The following PRRX1 variants were observed in gnomAD, a reference collection of about 807,000 sequenced individuals.
PRRX1 encodes paired mesoderm homeobox protein 1.
PRRX1 carries 8 observed loss-of-function variants against 24.0 expected under a neutral mutation model. The observed-to-expected ratio is 0.33, with a 90% CI of 0.20 to 0.60. The LOEUF is 0.60. Among genes scored for constraint, PRRX1 ranks in the 20% least tolerant of loss-of-function variants. The pLI is 0.82. For missense variants in PRRX1, 281 were observed against 322.4 expected, an observed-to-expected ratio of 0.87 and a Z score of 0.98; for synonymous variants, 160 against 131.7, an observed-to-expected ratio of 1.22 and a Z score of -1.47.
At chr1:170,696,011 C>T (rs565586949) in intron 1 of PRRX1, among the ~76,000 whole-genome samples, 80 of 152,180 alleles carry the variant, frequency 5.3e-4, no homozygotes, top group Non-Finnish European at 1.0e-3. Flanking sequence ...CTTTGTTTGG[C>T]CTTTTAGTTT....
intron 1 of PRRX1, among the ~76,000 whole-genome samples, chr1:170,683,187 G>A (rs531775582): frequency 6.6e-6 from 1 of 152,318 alleles, no homozygotes; most frequent in African/African-American, 2.4e-5. Flanking sequence ...CAACCCAACT[G>A]CTTTATGGAG....
chr1:170,671,118 G>A (rs1653128620), intron 1 of PRRX1, among the ~76,000 whole-genome samples: 1 of 152,190 alleles, frequency 6.6e-6, no homozygotes, highest in South Asian at 2.1e-4. Flanking sequence ...ATGAGAAAGG[G>A]CAAGGGCAGG....
chr1:170,698,565 T>C (rs888884894), intron 1 of PRRX1, among the ~76,000 whole-genome samples: 1 of 152,146 alleles, frequency 6.6e-6, no homozygotes, highest in Non-Finnish European at 1.5e-5. Context: ...CTATTTTTTT[T>C]CCTGACCATT....
At chr1:170,684,462 T>G (rs1185336864) in intron 1 of PRRX1, among the ~76,000 whole-genome samples, 1 of 152,196 alleles carries the variant, frequency 6.6e-6, no homozygotes, top group Non-Finnish European at 1.5e-5. Context: ...CTTTTAAAGA[T>G]TTGGAATCGG....
chr1:170,687,509 G>A lies in PRRX1; in HGVS notation c.241+23050G>A, dbSNP rs186839245. On this transcript the variant is annotated intron_variant, in intron 1 of 3. Coordinates refer to ENST00000239461, the MANE Select transcript of PRRX1 (RefSeq NM_022716.4). ...GCTAAGAACATGGACTTGATATAGC[G>A]CCCTTCTCCCGTCACTTAATTGTTC... is the stretch of plus-strand genomic sequence containing the variant. 8.5e-5 allele frequency among the ~76,000 whole-genome samples: 13 copies of A among 152,238 alleles called. No homozygotes were observed. In the East Asian group the frequency reaches 1.9e-3, roughly 23 times the overall value.
In PRRX1 at chr1:170,722,838, C is replaced by T. The variant is rs144928149; in HGVS notation, c.417+2937C>T. Among the ~76,000 whole-genome samples, 53 of 152,112 alleles carry T rather than the reference C, an allele frequency of 3.5e-4. No homozygotes were observed. The East Asian group carries it at 5.2e-3, about 15-fold the overall frequency. The stretch of plus-strand genomic sequence containing the variant: ...TATGGGCTTTGATACCCGGACAAAG[C>T]GGGGAAGAATATAATAGGCAAAGGA... On this transcript the variant is annotated intron_variant, in intron 2 of 3. Transcript: ENST00000239461.
intron 1 of PRRX1, among the ~76,000 whole-genome samples, chr1:170,679,083 G>T (rs1438217343): frequency 1.3e-5 from 2 of 152,200 alleles, no homozygotes; most frequent in African/African-American, 4.8e-5. Context: ...TATCCTGTGT[G>T]TTCCATTGTT....
At chr1:170,699,896 C>A (rs376584704) in intron 1 of PRRX1, among the ~76,000 whole-genome samples, 83 of 152,132 alleles carry the variant, frequency 5.5e-4, no homozygotes, top group African/African-American at 1.8e-3. Context: ...CCACCACGCT[C>A]GGGTAATTTC....
intron 1 of PRRX1, among the ~76,000 whole-genome samples, chr1:170,672,973 G>T (rs1331163625): frequency 6.6e-6 from 1 of 152,078 alleles, no homozygotes; most frequent in East Asian, 1.9e-4. Flanking sequence ...GGCCACAGAG[G>T]TCTCCTAAAT....
At chr1:170,713,054 A>G (rs1558057739) in intron 1 of PRRX1, among the ~76,000 whole-genome samples, 1 of 152,180 alleles carries the variant, frequency 6.6e-6, no homozygotes, top group Non-Finnish European at 1.5e-5. Context: ...CTCTTACAGT[A>G]AGAATTCTAA....
chr1:170,739,094 A>C lies in PRRX1; in HGVS notation c.*2908A>C, dbSNP rs1424650476. 4.7e-6 allele frequency: 1 copy of C among 214,842 alleles called. No homozygotes were observed. The highest frequency in any genetic ancestry group is 5.8e-5 in the Admixed American group (1 of 17,142). 13.3% of individuals were successfully genotyped at this position (214,842 alleles called of 1,614,324 possible). A position where few individuals can be genotyped will look rare whatever the true frequency, so the allele number is the denominator to read the frequency against. On this transcript the variant is annotated 3_prime_UTR_variant, in exon 4 of 4. Transcript: ENST00000239461. ...AAGCCAGTTGTCAGTGGAGGTCCTC[A>C]GGGCTGCAAATGTCAAGACATAACC...
At chr1:170,691,123 A>G (rs568770048) in intron 1 of PRRX1, among the ~76,000 whole-genome samples, 2 of 152,256 alleles carry the variant, frequency 1.3e-5, no homozygotes, top group South Asian at 4.1e-4. Context: ...TGAGGGCCAT[A>G]TTTTATTCAC....
In PRRX1 at chr1:170,726,201, C is replaced by T. The variant is rs905366785; in HGVS notation, c.418-19C>T. On this transcript the variant is annotated intron_variant, in intron 2 of 3. Transcript: ENST00000239461. ...TCCTCTCTTTCCTTATGCCTTCTTG[C>T]CTCCTAACAATCCTCCAGGTGTGGT... The T allele has an allele frequency of 6.8e-6, 11 of 1,609,830 alleles. No individual in the cohort carries two copies. The highest frequency in any genetic ancestry group is 9.4e-6 in the Non-Finnish European group (11 of 1,176,342).
chr1:170,727,823 T>C (rs1487410387), intron 3 of PRRX1: 2 of 152,218 alleles, frequency 1.3e-5, no homozygotes, highest in Non-Finnish European at 2.9e-5. Flanking sequence ...TAGTTATATC[T>C]GTGTGCCCTA....
intron 1 of PRRX1, among the ~76,000 whole-genome samples, chr1:170,676,153 T>G (rs995318483): frequency 1.3e-5 from 2 of 152,120 alleles, no homozygotes; most frequent in African/African-American, 4.8e-5. Flanking sequence ...AATCTGCAGT[T>G]TTGCTAGCCA....
intron 1 of PRRX1, among the ~76,000 whole-genome samples, chr1:170,672,684 A>G (rs1417450096): frequency 1.3e-5 from 2 of 152,226 alleles, no homozygotes; most frequent in African/African-American, 4.8e-5. Flanking sequence ...TTGAGCCAGG[A>G]TATGCTAAGT....
rs41272505 is a variant in PRRX1, at chr1:170,738,368, A to G, written c.*2182A>G. Reference sequence around the variant, plus strand: ...TGATTCTGTAGTTCTTTAAATAATAATGAAGCTCATCTTATACATTTTGCT... The same window carrying G: ...TGATTCTGTAGTTCTTTAAATAATAGTGAAGCTCATCTTATACATTTTGCT... On this transcript the variant is annotated 3_prime_UTR_variant, in exon 4 of 4. Transcript: ENST00000239461. 0.025 allele frequency: 5,608 copies of G among 225,558 alleles called. 97 individuals are homozygous for G. Among genetic ancestry groups the G allele is most frequent in the Middle Eastern group, 0.065 (48 of 736 alleles). The allele number at this position is 225,558 out of a possible 1,614,324, so 14.0% of individuals were successfully genotyped here.
At chr1:170,726,918 G>A in intron 3 of PRRX1, 1 of 153,666 alleles carries the variant, frequency 6.5e-6, no homozygotes, top group Admixed American at 6.5e-5. Flanking sequence ...GAGACGAGAG[G>A]GACTATGACA....
chr1:170,663,898 A>C (rs1247979607), upstream of PRRX1: 7 of 305,178 alleles, frequency 2.3e-5, no homozygotes, highest in Non-Finnish European at 4.3e-5. Flanking sequence ...ACTTGAACAT[A>C]GGGTGACTTT....
Sources: allele counts gnomAD v4.1 joint callset (sites outside exome capture counted in the v4.1 genomes callset), GRCh38; gene constraint gnomAD v4.1.1; transcripts MANE v1.5; gene names NCBI Gene and HGNC (gene_info 2026-07-23, HGNC 2026-07-21).